Variants in AAMDC observed in about 807,000 individuals in gnomAD.
The protein encoded by AAMDC is mth938 domain-containing protein.
In AAMDC, 16 loss-of-function variants were observed where a neutral mutation model predicts 15.5. That is an observed-to-expected ratio of 1.03 (90% CI 0.70 to 1.57). The LOEUF is 1.57. Ranked by LOEUF, AAMDC falls within the 40% of genes most tolerant of loss-of-function variation. AAMDC has a pLI of 0.00. For missense variants in AAMDC, 141 were observed against 144.9 expected, an observed-to-expected ratio of 0.97 and a Z score of 0.14; for synonymous variants, 51 against 51.6, an observed-to-expected ratio of 0.99 and a Z score of 0.05.
At chr11:77,857,775 C>T (rs2136229898) in intron 2 of AAMDC, among the ~76,000 whole-genome samples, 1 of 151,202 alleles carries the variant, frequency 6.6e-6, no homozygotes, top group South Asian at 2.1e-4. Flanking sequence ...TGGCTCACTG[C>T]AGCCTCCACC....
At chr11:77,849,077 C>A (rs1950264757) in intron 2 of AAMDC, among the ~76,000 whole-genome samples, 3 of 151,478 alleles carry the variant, frequency 2.0e-5, no homozygotes, top group African/African-American at 7.3e-5. Context: ...CACTTGGTCC[C>A]CCAGGCTGGA....
At chr11:77,869,462 A>G (rs555822612) in intron 2 of AAMDC, among the ~76,000 whole-genome samples, 1 of 150,786 alleles carries the variant, frequency 6.6e-6, no homozygotes, top group East Asian at 2.0e-4. Context: ...TACAAGCATA[A>G]GCCACCACAC....
chr11:77,852,520 C>T (rs1565206024), intron 2 of AAMDC, among the ~76,000 whole-genome samples: 1 of 152,208 alleles, frequency 6.6e-6, no homozygotes, highest in South Asian at 2.1e-4. Context: ...ATCCAGTCAC[C>T]TCCCATCAGG....
chr11:77,826,012 T>C (rs1051811035), intron 1 of AAMDC, among the ~76,000 whole-genome samples: 1 of 152,186 alleles, frequency 6.6e-6, no homozygotes, highest in South Asian at 2.1e-4. Flanking sequence ...TTGAGACTTA[T>C]GCATGAGTCT....
chr11:77,850,501 T>G (rs1950325683), intron 2 of AAMDC: 1 of 152,166 alleles, frequency 6.6e-6, no homozygotes, highest in Admixed American at 6.5e-5. Context: ...TAGATCATCA[T>G]TCATGTGTCC....
chr11:77,857,179 G>A (rs1328941505), intron 2 of AAMDC, among the ~76,000 whole-genome samples: 1 of 152,192 alleles, frequency 6.6e-6, no homozygotes, highest in African/African-American at 2.4e-5. Context: ...AAAGATAATT[G>A]TAATTAAGTG....
intron 2 of AAMDC, among the ~76,000 whole-genome samples, chr11:77,848,583 C>T (rs1353300989): frequency 4.6e-5 from 7 of 152,246 alleles, no homozygotes; most frequent in Non-Finnish European, 5.9e-5. Context: ...TGGTCTCGAA[C>T]GCCTGACCTC....
chr11:77,837,561 G>A (rs993552852), intron 1 of AAMDC, among the ~76,000 whole-genome samples: 5 of 151,644 alleles, frequency 3.3e-5, no homozygotes, highest in South Asian at 2.1e-4. Context: ...TCAGCATCCC[G>A]GGTAGATAGG....
intron 2 of AAMDC, among the ~76,000 whole-genome samples, chr11:77,854,342 C>T (rs1358623102): frequency 6.6e-6 from 1 of 152,076 alleles, no homozygotes; most frequent in Non-Finnish European, 1.5e-5. Context: ...GTCCACAGTC[C>T]AAAGTCTCAT....
At chr11:77,838,220 G>C (rs373171984) in intron 1 of AAMDC, among the ~76,000 whole-genome samples, 1 of 152,200 alleles carries the variant, frequency 6.6e-6, no homozygotes, top group Non-Finnish European at 1.5e-5. Flanking sequence ...GATGTAGACT[G>C]TGACTGTTAG....
intron 5 of AAMDC, among the ~76,000 whole-genome samples, chr11:77,900,390 C>G (rs1591031914): frequency 6.6e-6 from 1 of 152,266 alleles, no homozygotes; most frequent in South Asian, 2.1e-4. Flanking sequence ...TGAGCCACCA[C>G]ACCCGGCCAC....
chr11:77,838,944 ACC>A lies in AAMDC; in HGVS notation c.-18-3534_-18-3533del, dbSNP rs376652141. ...CAAGTACCTTTTACTTACTGTGCTT[ACC>A]AGTGCTAGAATTTCCATTTTATTCC... is the stretch of plus-strand genomic sequence containing the variant. On this transcript the variant is annotated intron_variant, in intron 1 of 3. Coordinates refer to ENST00000393427, the MANE Select transcript of AAMDC (RefSeq NM_024684.4). Among the ~76,000 whole-genome samples, 95 of 152,280 alleles carry A rather than the reference ACC, an allele frequency of 6.2e-4. 2 individuals are homozygous for A. The highest frequency in any genetic ancestry group is 2.3e-3 in the African/African-American group (94 of 41,574).
At chr11:77,851,618 T>C (rs1387019445) in intron 2 of AAMDC, 3 of 152,162 alleles carry the variant, frequency 2.0e-5, no homozygotes, top group African/African-American at 7.2e-5. Flanking sequence ...AACTTAGTGC[T>C]GTCTTGGTGA....
At chr11:77,876,350 G>T (rs1446768211), downstream of AAMDC, among the ~76,000 whole-genome samples, 1 of 151,962 alleles carries the variant, frequency 6.6e-6, no homozygotes, top group Non-Finnish European at 1.5e-5. Context: ...GTAAATGAAG[G>T]TGCCACACTG....
chr11:77,866,077 A>G (rs1951094745), intron 2 of AAMDC, among the ~76,000 whole-genome samples: 1 of 152,244 alleles, frequency 6.6e-6, no homozygotes, highest in Admixed American at 6.5e-5. Flanking sequence ...AGATGATAGC[A>G]TTGCTACTAC....
intron 2 of AAMDC, among the ~76,000 whole-genome samples, chr11:77,858,804 G>A (rs1020354162): frequency 1.3e-5 from 2 of 152,290 alleles, no homozygotes; most frequent in Admixed American, 6.5e-5. Context: ...AGGGGTCCAC[G>A]GTAGGTCTTA....
intron 5 of AAMDC, among the ~76,000 whole-genome samples, chr11:77,889,442 T>C (rs531352327): frequency 6.6e-6 from 1 of 152,088 alleles, no homozygotes; most frequent in East Asian, 1.9e-4. Flanking sequence ...ATATACCTAA[T>C]GCTAGATGAC....
chr11:77,872,267 G>T lies in AAMDC; in HGVS notation c.321G>T (p.Leu107Phe), dbSNP rs146747352. 1.1e-5 allele frequency: 18 copies of T among 1,613,556 alleles called. No homozygotes were observed. The highest frequency in any genetic ancestry group is 3.3e-4 in the Middle Eastern group (2 of 6,048). The stretch of plus-strand genomic sequence containing the variant: ...AGGCAGTGAAGGAGTATAATGCCTT[G>T]GTTGCCCAAGGGGTCAGGGTGGGAG... ...TEQAVKEYNALVAQGVRVGGV... is the reference protein window; with the variant it reads ...TEQAVKEYNAFVAQGVRVGGV... The change falls in exon 4 of 4, where the codon TTG becomes TTT. Residue 107 changes from leucine (L) to phenylalanine (F), a missense_variant. By Grantham distance (22) the Leu-to-Phe change is conservative. Transcript: ENST00000393427.
intron 3 of AAMDC, among the ~76,000 whole-genome samples, chr11:77,870,329 ATTTTTTTTTTT>A (rs965312288): frequency 2.3e-5 from 2 of 87,982 alleles, no homozygotes; most frequent in African/African-American, 9.8e-5. Flanking sequence ...CTATTTTTTA[ATTTTTTTTTTT>A]TTTTTTTTTT....
Sources: gnomAD v4.1 joint callset for allele counts (sites outside exome capture counted in the v4.1 genomes callset) on GRCh38, gnomAD v4.1.1 for gene constraint, MANE v1.5 for transcripts, NCBI Gene and HGNC (gene_info 2026-07-23, HGNC 2026-07-21) for gene names.